The following MTMR9 variants were observed in gnomAD, a reference collection of about 807,000 sequenced individuals.
MTMR9 encodes the protein myotubularin-related protein 9.
MTMR9 carries 39 observed loss-of-function variants against 69.5 expected under a neutral mutation model. The observed-to-expected ratio is 0.56, with a 90% CI of 0.43 to 0.73. The LOEUF is 0.73. MTMR9 is among the 30% of genes least tolerant of loss of function. The probability of loss-of-function intolerance (pLI) is 0.00; values close to 1 mark genes in which losing one functional copy is unlikely to be tolerated. For synonymous variants in MTMR9, 354 were observed against 240.8 expected, an observed-to-expected ratio of 1.47 and a Z score of -4.35; for missense variants, 900 against 671.2, an observed-to-expected ratio of 1.34 and a Z score of -3.77.
chr8:11,306,719 T>TTAGCAGTTTAATA (rs1799953768), intron 5 of MTMR9, among the ~76,000 whole-genome samples: 1 of 152,240 alleles, frequency 6.6e-6, no homozygotes, highest in South Asian at 2.1e-4. Context: ...TTAATATCTA[T>TTAGCAGTTTAATA]TCTCTTAGCA....
At chr8:11,287,872 A>AAT (rs201815281) in intron 1 of MTMR9, among the ~76,000 whole-genome samples, 29,386 of 123,668 alleles carry the variant, frequency 0.24, 5,745 homozygotes, top group African/African-American at 0.55. Flanking sequence ...ATTATATTAT[A>AAT]ATATATAACA....
At chr8:11,304,103 A>G (rs1008967526) in intron 3 of MTMR9, among the ~76,000 whole-genome samples, 1 of 151,650 alleles carries the variant, frequency 6.6e-6, no homozygotes, top group African/African-American at 2.4e-5. Flanking sequence ...GCTGTTTTTA[A>G]TTCTGATGTT....
chr8:11,285,380 C>T, intron 1 of MTMR9: 1 of 260,974 alleles, frequency 3.8e-6, no homozygotes, highest in Non-Finnish European at 7.3e-6. Flanking sequence ...TCTTCTTGCC[C>T]CATCGTATTC....
At chr8:11,330,388 C>T (rs1442498534), downstream of MTMR9, among the ~76,000 whole-genome samples, 1 of 152,220 alleles carries the variant, frequency 6.6e-6, no homozygotes, top group African/African-American at 2.4e-5. Context: ...AGGAGCCCCT[C>T]TGCCCGGCCA....
At chr8:11,289,548 T>G (rs1799306440) in intron 1 of MTMR9, among the ~76,000 whole-genome samples, 1 of 152,188 alleles carries the variant, frequency 6.6e-6, no homozygotes, top group South Asian at 2.1e-4. Flanking sequence ...ACTCATCATT[T>G]TCATGATTGA....
chr8:11,298,382 AATATATAT>A (rs113127569), intron 2 of MTMR9, among the ~76,000 whole-genome samples: 5 of 150,576 alleles, frequency 3.3e-5, no homozygotes, highest in Admixed American at 3.3e-4. Flanking sequence ...ATGTAGGAAA[AATATATAT>A]ATATATATTT....
Position 11,322,718 on chromosome 8 carries a change from C to T in MTMR9, c.1580C>T (p.Ala527Val). 6.2e-7 allele frequency: 1 copy of T among 1,613,958 alleles called. No individual in the cohort carries two copies. The highest frequency in any genetic ancestry group is 8.5e-7 in the Non-Finnish European group (1 of 1,179,918). ...ATTGAATATAATAAAGAATTACAAGCAAAAGTCAATATCCTTCGAAGGCAG... is the reference window on the plus strand; with the variant it reads ...ATTGAATATAATAAAGAATTACAAGTAAAAGTCAATATCCTTCGAAGGCAG... ...NIIEYNKELQ[A>V]KVNILRRQLA... is the part of the protein sequence containing the mutation. Residue 527 changes from alanine (A) to valine (V), a missense_variant, in exon 10 of 10, where the codon GCA (alanine) becomes GTA (valine). Physicochemically the swap from Ala to Val is moderately conservative, Grantham distance 64 (BLOSUM62 0). Transcript: ENST00000221086.
At chr8:11,306,090 C>T in intron 4 of MTMR9, 100 bp from the exon 5 acceptor site, 3 of 953,222 alleles carry the variant, frequency 3.1e-6, no homozygotes, top group African/African-American at 1.6e-5. Context: ...GAGTGTCACA[C>T]AATTGTTTTT....
intron 3 of MTMR9, chr8:11,300,817 T>G (rs890757360): frequency 6.6e-6 from 1 of 152,194 alleles, no homozygotes; most frequent in African/African-American, 2.4e-5. Flanking sequence ...TTGGAAGAAG[T>G]TGCAAGAGAT....
In MTMR9 at chr8:11,285,599, G is replaced by T. The variant is rs115331282; in HGVS notation, c.182+529G>T. Among the ~76,000 whole-genome samples the T allele has an allele frequency of 4.0e-3, 602 of 152,214 alleles. 6 individuals are homozygous for T. Among genetic ancestry groups the T allele is most frequent in the African/African-American group, 0.013 (541 of 41,518 alleles). ...TCAAAATTTAATTCTCACTAAGGGA[G>T]ATTCTGATGTCTTCTCTTCATCTTT... On this transcript the variant is annotated intron_variant, in intron 1 of 9. Coordinates refer to ENST00000221086, the MANE Select transcript of MTMR9 (RefSeq NM_015458.4).
downstream of MTMR9, chr8:11,332,089 T>A: frequency 1.2e-6 from 2 of 1,611,450 alleles, no homozygotes; most frequent in Non-Finnish European, 1.7e-6. Context: ...GCCCGGAACC[T>A]CAGCTGTGAG....
At chr8:11,301,443 A>G (rs1799744602) in intron 3 of MTMR9, among the ~76,000 whole-genome samples, 1 of 152,250 alleles carries the variant, frequency 6.6e-6, no homozygotes, top group Non-Finnish European at 1.5e-5. Context: ...GAACAGTTGG[A>G]TATCCATATG....
intron 9 of MTMR9, 182 bp downstream of exon 9, chr8:11,320,020 T>G (rs1215721430): frequency 1.9e-6 from 1 of 538,434 alleles, no homozygotes; most frequent in African/African-American, 1.9e-5. Context: ...GCCACACTTT[T>G]TTTTTTTTTC....
intron 6 of MTMR9, among the ~76,000 whole-genome samples, chr8:11,313,840 T>C (rs1476424380): frequency 3.9e-5 from 6 of 152,208 alleles, no homozygotes; most frequent in Non-Finnish European, 5.9e-5. Context: ...TGAAAAATTT[T>C]GAAATATTGT....
chr8:11,285,034 G>C lies in MTMR9; in HGVS notation c.146G>C (p.Trp49Ser). 6.2e-7 allele frequency: 1 copy of C among 1,611,784 alleles called. No homozygotes were observed. The highest frequency in any genetic ancestry group is 8.5e-7 in the Non-Finnish European group (1 of 1,178,938). The change falls in exon 1 of 10, where the codon TGG becomes TCG. Residue 49 changes from tryptophan to serine, a missense_variant. By Grantham distance (177) the Trp-to-Ser change is radical. Coordinates refer to ENST00000221086, the MANE Select transcript of MTMR9 (RefSeq NM_015458.4). ...SSRQDNTEEL[W>S]LLHSNIDAID... ...CGGCAGGACAATACGGAGGAGCTGT[G>C]GCTCCTCCATTCAAACATCGACGCC...
At chr8:11,311,565 T>C (rs1268463814) in intron 6 of MTMR9, among the ~76,000 whole-genome samples, 1 of 152,236 alleles carries the variant, frequency 6.6e-6, no homozygotes, top group African/African-American at 2.4e-5. Context: ...AAAAACAATA[T>C]ACATACCTGA....
chr8:11,337,467 AC>A, the MTMR9 span, among the ~76,000 whole-genome samples: 1 of 151,868 alleles, frequency 6.6e-6, no homozygotes, highest in African/African-American at 2.4e-5. Context: ...TTTTTCCTCT[AC>A]CCTCTGCCTT....
In MTMR9 at chr8:11,298,651, C is replaced by A. The variant is rs1030213277; in HGVS notation, c.292-1372C>A. ...TGCTGTTGGGCCTTCTCCTCCTGTCCAGGTGAATGTCTCCATCATTCCTGC... is the reference window on the plus strand; with the variant it reads ...TGCTGTTGGGCCTTCTCCTCCTGTCAAGGTGAATGTCTCCATCATTCCTGC... On this transcript the variant is annotated intron_variant, in intron 2 of 9. Coordinates refer to ENST00000221086, the MANE Select transcript of MTMR9 (RefSeq NM_015458.4). 4 of 631,016 alleles carry A rather than the reference C, an allele frequency of 6.3e-6. No individual in the cohort carries two copies. The East Asian group carries it at 4.3e-4, about 68-fold the overall frequency. The allele number at this position is 631,016 out of a possible 1,614,324, so 39.1% of individuals were successfully genotyped here.
chr8:11,315,949 G>A (rs1800396887), intron 7 of MTMR9: 1 of 152,176 alleles, frequency 6.6e-6, no homozygotes, highest in Non-Finnish European at 1.5e-5. Flanking sequence ...AGTAGTAGAA[G>A]GACCCAGAGA....
Sources: gnomAD v4.1 joint callset for allele counts (sites outside exome capture counted in the v4.1 genomes callset) on GRCh38, gnomAD v4.1.1 for gene constraint, MANE v1.5 for transcripts, NCBI Gene and HGNC (gene_info 2026-07-23, HGNC 2026-07-21) for gene names.